Variants in COLEC12 observed in about 807,000 individuals in gnomAD.
COLEC12 encodes the protein collectin subfamily member 12.
COLEC12 carries 33 observed loss-of-function variants against 71.1 expected under a neutral mutation model. The ratio of observed to expected loss-of-function variants is 0.46; its 90% confidence interval spans 0.35 to 0.62. COLEC12 has a LOEUF of 0.62. COLEC12 is among the 20% of genes least tolerant of loss of function. COLEC12 has a pLI of 0.00. For missense variants in COLEC12, 765 were observed against 916.1 expected (o/e 0.84, Z 2.13); for synonymous variants, 350 against 353.0 (o/e 0.99, Z 0.10).
intron 1 of COLEC12, among the ~76,000 whole-genome samples, chr18:493,210 G>A (rs1255868357): frequency 6.6e-6 from 1 of 152,106 alleles, no homozygotes; most frequent in Non-Finnish European, 1.5e-5. Context: ...AAGTAGCTGG[G>A]ACTATAGCCA....
At chr18:404,504 C>T (rs1423718801) in intron 2 of COLEC12, among the ~76,000 whole-genome samples, 1 of 152,148 alleles carries the variant, frequency 6.6e-6, no homozygotes, top group Non-Finnish European at 1.5e-5. Flanking sequence ...AGGATGGAGT[C>T]ACACATGAAT....
At chr18:452,136 T>G (rs72865620) in intron 2 of COLEC12, among the ~76,000 whole-genome samples, 2,841 of 152,352 alleles carry the variant, frequency 0.019, 60 homozygotes, top group Non-Finnish European at 0.023. Context: ...TAGATATTGT[T>G]GAGTGAATAA....
intron 2 of COLEC12, among the ~76,000 whole-genome samples, chr18:406,760 G>A (rs1915799430): frequency 6.6e-6 from 1 of 152,218 alleles, no homozygotes; most frequent in South Asian, 2.1e-4. Flanking sequence ...GTGCTCTCCA[G>A]GACTGGTCTG....
intron 3 of COLEC12, among the ~76,000 whole-genome samples, chr18:352,068 A>T (rs1265317714): frequency 6.6e-6 from 1 of 152,210 alleles, no homozygotes; most frequent in Non-Finnish European, 1.5e-5. Flanking sequence ...AGTGAGTATG[A>T]CATTTCGCTG....
intron 2 of COLEC12, among the ~76,000 whole-genome samples, chr18:390,505 T>C (rs759691566): frequency 1.1e-4 from 17 of 152,330 alleles, no homozygotes; most frequent in East Asian, 1.9e-4. Flanking sequence ...TTCATGCCTG[T>C]AATCCCAGCA....
intron 2 of COLEC12, among the ~76,000 whole-genome samples, chr18:437,331 G>GA (rs1347561499): frequency 6.6e-6 from 1 of 152,192 alleles, no homozygotes; most frequent in Non-Finnish European, 1.5e-5. Context: ...GATCACAGAT[G>GA]ACCCAAGTTA....
chr18:451,188 T>C (rs899134318), intron 2 of COLEC12, among the ~76,000 whole-genome samples: 1 of 152,246 alleles, frequency 6.6e-6, no homozygotes, highest in African/African-American at 2.4e-5. Flanking sequence ...GCCTGCTCCC[T>C]GTCAGTGATC....
chr18:460,413 C>A (rs959500233), intron 2 of COLEC12, among the ~76,000 whole-genome samples: 1 of 152,292 alleles, frequency 6.6e-6, no homozygotes, highest in South Asian at 2.1e-4. Context: ...GAGTAGAATG[C>A]AGGAATTTAT....
At chr18:340,074 C>CAAAAAAAAAAAAAAAAAAAAAA (rs60991743) in intron 5 of COLEC12, among the ~76,000 whole-genome samples, 1 of 94,228 alleles carries the variant, frequency 1.1e-5, no homozygotes, top group Non-Finnish European at 2.0e-5. Context: ...TGCCTGAAAG[C>CAAAAAAAAAAAAAAAAAAAAAA]AAAAAAAAAA....
chr18:409,414 A>G (rs190758622), intron 2 of COLEC12, among the ~76,000 whole-genome samples: 3 of 152,076 alleles, frequency 2.0e-5, no homozygotes, highest in African/African-American at 7.2e-5. Flanking sequence ...CACGCCTGTA[A>G]TCCCAGCTAC....
At chr18:341,477 C>T (rs1914250791) in intron 5 of COLEC12, among the ~76,000 whole-genome samples, 1 of 152,240 alleles carries the variant, frequency 6.6e-6, no homozygotes. Flanking sequence ...TAGATGTCAG[C>T]ATCCTGGGGT....
intron 2 of COLEC12, among the ~76,000 whole-genome samples, chr18:415,569 A>T (rs776935706): frequency 6.6e-6 from 1 of 152,168 alleles, no homozygotes; most frequent in Non-Finnish European, 1.5e-5. Flanking sequence ...TCATAGACTA[A>T]TATTTGTATC....
intron 2 of COLEC12, among the ~76,000 whole-genome samples, chr18:400,766 T>C (rs7243583): frequency 0.7 from 106,081 of 152,144 alleles, 37,337 homozygotes; most frequent in South Asian, 0.87. Flanking sequence ...CAATGGAAGG[T>C]GTGACTGGCT....
chr18:484,815 G>C (rs1392062487), intron 1 of COLEC12, among the ~76,000 whole-genome samples: 1 of 152,184 alleles, frequency 6.6e-6, no homozygotes, highest in Admixed American at 6.5e-5. Context: ...CAGTTTACTC[G>C]CTTAGGTGTT....
chr18:491,911 A>G (rs1237737012), intron 1 of COLEC12, among the ~76,000 whole-genome samples: 2 of 152,150 alleles, frequency 1.3e-5, no homozygotes, highest in African/African-American at 4.8e-5. Context: ...GGCTCCCCGC[A>G]TGGTTTCCTT....
At chr18:428,220 G>A (rs983381362) in intron 2 of COLEC12, among the ~76,000 whole-genome samples, 1 of 151,148 alleles carries the variant, frequency 6.6e-6, no homozygotes, top group Non-Finnish European at 1.5e-5. Context: ...CTGAGATCCT[G>A]TCACTGCACT....
chr18:417,229 G>A (rs1282331576), intron 2 of COLEC12, among the ~76,000 whole-genome samples: 1 of 152,082 alleles, frequency 6.6e-6, no homozygotes, highest in Non-Finnish European at 1.5e-5. Flanking sequence ...GCATGCTACT[G>A]TACTGAATAC....
At chr18:491,661 GAC>G (rs1329339193) in intron 1 of COLEC12, among the ~76,000 whole-genome samples, 1 of 152,182 alleles carries the variant, frequency 6.6e-6, no homozygotes, top group African/African-American at 2.4e-5. Flanking sequence ...ATTCTGAGGT[GAC>G]TATTTGGGGG....
At chr18:497,052 A>C (rs1917724970) in intron 1 of COLEC12, among the ~76,000 whole-genome samples, 1 of 152,224 alleles carries the variant, frequency 6.6e-6, no homozygotes. Flanking sequence ...AGTTTGGAAG[A>C]CTTCAAGTAC....
Sources: gnomAD v4.1 joint callset for allele counts (sites outside exome capture counted in the v4.1 genomes callset) on GRCh38, gnomAD v4.1.1 for gene constraint, MANE v1.5 for transcripts, NCBI Gene and HGNC (gene_info 2026-07-23, HGNC 2026-07-21) for gene names.